ERAP1: variants seen among roughly 807,000 people sequenced by gnomAD.
ERAP1 encodes endoplasmic reticulum aminopeptidase 1, also known as adipocyte-derived leucine aminopeptidase.
In ERAP1, 86 loss-of-function variants were observed where a neutral mutation model predicts 103.7. That is an observed-to-expected ratio of 0.83 (90% confidence interval 0.70 to 0.99). The LOEUF is 0.99. Ranked by LOEUF, ERAP1 falls within the 50% of genes least tolerant of loss-of-function variation. The pLI is 0.00. For synonymous variants in ERAP1, 398 were observed against 402.4 expected (o/e 0.99, Z 0.13); for missense variants, 1,009 against 1,128.4 (o/e 0.89, Z 1.52).
At chr5:96,824,495 C>G in the ERAP1 span, among the ~76,000 whole-genome samples, 1 of 152,204 alleles carries the variant, frequency 6.6e-6, no homozygotes, top group Non-Finnish European at 1.5e-5. Context: ...GTTCTAATCC[C>G]TGTCCATCCT....
At chr5:96,856,250 C>T in the ERAP1 span, among the ~76,000 whole-genome samples, 1 of 134,588 alleles carries the variant, frequency 7.4e-6, no homozygotes, top group Non-Finnish European at 1.5e-5. Flanking sequence ...ACCCGGGAGG[C>T]GGAGATTGCA....
At chr5:96,873,078 A>C in the ERAP1 span, among the ~76,000 whole-genome samples, 4 of 151,962 alleles carry the variant, frequency 2.6e-5, no homozygotes, top group Non-Finnish European at 5.9e-5. Context: ...AATCCTAGCT[A>C]CCTGGGAGGC....
the ERAP1 span, among the ~76,000 whole-genome samples, chr5:96,915,313 T>C: frequency 2.0e-5 from 3 of 152,184 alleles, no homozygotes; most frequent in African/African-American, 7.2e-5. Flanking sequence ...CCAGCCCATA[T>C]AATTTATAAA....
At chr5:96,787,486 G>A (rs868095796) in intron 11 of ERAP1, among the ~76,000 whole-genome samples, 5 of 152,164 alleles carry the variant, frequency 3.3e-5, no homozygotes, top group Middle Eastern at 6.8e-3. Flanking sequence ...GGCTGGTCTC[G>A]AACTCCTAAC....
At chr5:96,873,698 A>T in the ERAP1 span, 9 of 326,874 alleles carry the variant, frequency 2.8e-5, no homozygotes, top group South Asian at 4.9e-5. Flanking sequence ...AAACAAAAAC[A>T]AAAACTAAAA....
At chr5:96,921,149 G>A in the ERAP1 span, among the ~76,000 whole-genome samples, 1 of 152,182 alleles carries the variant, frequency 6.6e-6, no homozygotes, top group East Asian at 1.9e-4. Flanking sequence ...TCTGTCCCCA[G>A]CACTCTCGAA....
the ERAP1 span, among the ~76,000 whole-genome samples, chr5:96,828,489 A>T: frequency 1.4e-4 from 21 of 152,346 alleles, no homozygotes; most frequent in African/African-American, 5.1e-4. Context: ...CAAATAAGTG[A>T]GAACTGATTA....
the ERAP1 span, among the ~76,000 whole-genome samples, chr5:96,846,650 T>C: frequency 6.6e-6 from 1 of 152,210 alleles, no homozygotes; most frequent in Non-Finnish European, 1.5e-5. Context: ...CTGTTGCTGC[T>C]GGTCTGGGGA....
At chr5:96,874,174 G>GAAAGAAAGAAAGAA in the ERAP1 span, among the ~76,000 whole-genome samples, 40 of 91,784 alleles carry the variant, frequency 4.4e-4, no homozygotes, top group South Asian at 7.4e-4. Context: ...AAGAAAGAAA[G>GAAAGAAAGAAAGAA]AAAGAAAGAG....
At position 96,781,049 on chromosome 5, in the gene ERAP1, A is replaced by G. The variant is rs1775094084; in HGVS notation, c.2588+9T>C. 6.2e-7 allele frequency: 1 copy of G among 1,614,114 alleles called. No individual in the cohort carries two copies. The highest frequency in any genetic ancestry group is 1.1e-5 in the South Asian group (1 of 91,080). ...ATCCAGTCACAGCACAATTTTTGGC[A>G]CCACTTACTTTTGTACAAGTTTGTT... On this transcript the variant is annotated intron_variant, in intron 17 of 18. Coordinates refer to ENST00000443439, the MANE Select transcript of ERAP1 (RefSeq NM_001040458.3).
At chr5:96,923,864 A>G in the ERAP1 span, among the ~76,000 whole-genome samples, 2 of 152,228 alleles carry the variant, frequency 1.3e-5, no homozygotes, top group African/African-American at 4.8e-5. Context: ...TAAAAAATTA[A>G]TATTTCTTTA....
At chr5:96,770,241 C>T, downstream of ERAP1, 1 of 361,010 alleles carries the variant, frequency 2.8e-6, no homozygotes, top group East Asian at 5.3e-5. Flanking sequence ...TATCTATTGA[C>T]AAGCTCTGTT....
chr5:96,856,479 C>A, the ERAP1 span, among the ~76,000 whole-genome samples: 1 of 149,792 alleles, frequency 6.7e-6, no homozygotes, highest in Non-Finnish European at 1.5e-5. Flanking sequence ...GCTGTTTGAG[C>A]TATTTGACAC....
chr5:96,768,885 T>C (rs1771056697), intron 19 of ERAP1: 1 of 155,922 alleles, frequency 6.4e-6, no homozygotes, highest in Non-Finnish European at 1.4e-5. Flanking sequence ...TTGCTCTCTG[T>C]TACCTCTCTG....
At chr5:96,826,854 G>A in the ERAP1 span, among the ~76,000 whole-genome samples, 6 of 152,158 alleles carry the variant, frequency 3.9e-5, no homozygotes, top group African/African-American at 1.4e-4. Flanking sequence ...ATTAGAGATG[G>A]ATCAGTTTCT....
At chr5:96,893,350 T>G in the ERAP1 span, among the ~76,000 whole-genome samples, 10 of 152,188 alleles carry the variant, frequency 6.6e-5, no homozygotes, top group African/African-American at 2.4e-4. Context: ...AACTTTATCC[T>G]TTATCGTCAC....
the ERAP1 span, chr5:96,913,545 C>T: frequency 6.9e-7 from 1 of 1,442,246 alleles, no homozygotes; most frequent in Non-Finnish European, 9.6e-7. Flanking sequence ...TTTCTCAAAG[C>T]ATATAAATAA....
upstream of ERAP1, among the ~76,000 whole-genome samples, chr5:96,810,676 C>T (rs1779101086): frequency 6.6e-6 from 1 of 152,146 alleles, no homozygotes; most frequent in African/African-American, 2.4e-5. Flanking sequence ...AGAGGTGAGC[C>T]AGAGGAATGA....
chr5:96,912,923 C>T, the ERAP1 span: 1 of 739,516 alleles, frequency 1.4e-6, no homozygotes, highest in Admixed American at 3.5e-5. Flanking sequence ...ATGGCTTTAA[C>T]TTTACTTTCA....
Sources: gnomAD v4.1 joint callset for allele counts (sites outside exome capture counted in the v4.1 genomes callset) on GRCh38, gnomAD v4.1.1 for gene constraint, MANE v1.5 for transcripts, NCBI Gene and HGNC (gene_info 2026-07-23, HGNC 2026-07-21) for gene names.